The following ZRANB3 variants were observed in gnomAD, a reference collection of about 807,000 sequenced individuals.
ZRANB3 encodes the protein zinc finger RANBP2-type containing 3, also known as DNA annealing helicase and endonuclease ZRANB3.
In ZRANB3, 125 loss-of-function variants were observed where a neutral mutation model predicts 133.8. That is an observed-to-expected ratio of 0.93 (90% CI 0.81 to 1.08). ZRANB3 has a LOEUF of 1.08. Among genes scored for constraint, ZRANB3 ranks in the 50% least tolerant of loss-of-function variants. ZRANB3 has a pLI of 0.00. For synonymous variants in ZRANB3, 387 were observed against 432.7 expected (o/e 0.89, Z 1.31); for missense variants, 1,229 against 1,275.5 (o/e 0.96, Z 0.56).
intron 6 of ZRANB3, among the ~76,000 whole-genome samples, chr2:135,324,085 T>TTTA (rs555662250): frequency 4.6e-4 from 70 of 152,048 alleles, no homozygotes; most frequent in African/African-American, 1.6e-3. Context: ...TTGATTTTTT[T>TTTA]TTATTATTAT....
intron 3 of ZRANB3, among the ~76,000 whole-genome samples, chr2:135,375,559 C>A (rs1349272330): frequency 6.6e-6 from 1 of 152,188 alleles, no homozygotes; most frequent in Non-Finnish European, 1.5e-5. Context: ...GTGGCGGGCA[C>A]CAGTAGTCCC....
chr2:135,470,877 C>CT (rs1222161015), intron 2 of ZRANB3, among the ~76,000 whole-genome samples: 2 of 149,908 alleles, frequency 1.3e-5, no homozygotes, highest in African/African-American at 4.9e-5. Flanking sequence ...TCTCGACTCA[C>CT]TGCAAGCTCT....
chr2:135,249,222 C>A (rs181685107), intron 12 of ZRANB3, among the ~76,000 whole-genome samples: 3 of 152,276 alleles, frequency 2.0e-5, no homozygotes, highest in East Asian at 3.9e-4. Context: ...AACTACCATT[C>A]GAACCAGCAA....
chr2:135,230,573 A>C lies in ZRANB3; in HGVS notation c.1894T>G (p.Tyr632Asp), dbSNP rs1694956852. The C allele has an allele frequency of 6.3e-7, 1 of 1,587,358 alleles. No homozygotes were observed. The highest frequency in any genetic ancestry group is 1.4e-5 in the African/African-American group (1 of 73,932). The change falls in exon 13 of 21, where the codon TAT becomes GAT. Residue 632 changes from tyrosine (Y) to aspartate (D), a missense_variant. Tyr to Asp is a radical substitution (Grantham distance 160). Coordinates refer to ENST00000264159, the MANE Select transcript of ZRANB3 (RefSeq NM_032143.4). The part of the protein sequence containing the change: ...VEGWQCSLCT[Y>D]INNSELPYCE... ...TAAGGTAACTCTGAATTATTGATAT[A>C]GGTGCAGAGACTACATTGCCAGCCC...
Position 135,434,995 on chromosome 2 carries a change from A to G in ZRANB3, c.162-44175T>C, listed in dbSNP as rs116550412. On this transcript the variant is annotated intron_variant, in intron 2 of 20. Transcript: ENST00000264159. Reference sequence around the variant, plus strand: ...TTTTAAGAGTTAAACTTTTTTTTTAAATTTGTACTTTAGGTTTGGGGGTAC... The same window carrying G: ...TTTTAAGAGTTAAACTTTTTTTTTAGATTTGTACTTTAGGTTTGGGGGTAC... Among the ~76,000 whole-genome samples, 452 of 152,028 alleles carry G rather than the reference A, an allele frequency of 3.0e-3. 2 individuals carry two copies. Among genetic ancestry groups the G allele is most frequent in the African/African-American group, 0.01 (428 of 41,482 alleles).
chr2:135,292,046 A>C (rs889247161), intron 8 of ZRANB3, among the ~76,000 whole-genome samples: 2 of 152,080 alleles, frequency 1.3e-5, no homozygotes, highest in Non-Finnish European at 2.9e-5. Flanking sequence ...AATAGTGCCG[A>C]AATAAATGTA....
Position 135,411,910 on chromosome 2 carries a change from T to C in ZRANB3, c.162-21090A>G, listed in dbSNP as rs1050783502. Among the ~76,000 whole-genome samples, 5 of 152,150 alleles carry C rather than the reference T, an allele frequency of 3.3e-5. No individual in the cohort carries two copies. The East Asian group carries it at 9.6e-4, about 29-fold the overall frequency. ...CCATACATGTACCCCTCTGAATCTA[T>C]AATTTTTTAAAAAAGAAGTGACTGC... On this transcript the variant is annotated intron_variant, in intron 2 of 20. Coordinates refer to ENST00000264159, the MANE Select transcript of ZRANB3 (RefSeq NM_032143.4).
chr2:135,390,729 C>T, intron 3 of ZRANB3, 73 bp downstream of exon 3: 6 of 1,469,676 alleles, frequency 4.1e-6, no homozygotes, highest in South Asian at 1.2e-5. Context: ...AGAAAGAGTA[C>T]ATGGAAAATA....
intron 6 of ZRANB3, among the ~76,000 whole-genome samples, chr2:135,320,289 C>G (rs1453650153): frequency 6.6e-6 from 1 of 152,060 alleles, no homozygotes; most frequent in African/African-American, 2.4e-5. Context: ...AATGCATTAT[C>G]AAAGAGGTAA....
chr2:135,402,086 A>G (rs924207772), intron 2 of ZRANB3, among the ~76,000 whole-genome samples: 4 of 151,802 alleles, frequency 2.6e-5, no homozygotes, highest in African/African-American at 9.7e-5. Flanking sequence ...TTTTTAACCT[A>G]GTTTTGGTGT....
At chr2:135,328,592 T>C (rs1216082183) in intron 6 of ZRANB3, among the ~76,000 whole-genome samples, 3 of 152,214 alleles carry the variant, frequency 2.0e-5, no homozygotes, top group African/African-American at 7.2e-5. Flanking sequence ...ATGGGATCAC[T>C]GGGTCAAATG....
chr2:135,281,158 T>C (rs1208920059), intron 8 of ZRANB3, among the ~76,000 whole-genome samples: 1 of 152,180 alleles, frequency 6.6e-6, no homozygotes, highest in Non-Finnish European at 1.5e-5. Flanking sequence ...TGCAAAAGAG[T>C]TGACCTCTAC....
At chr2:135,438,533 T>A (rs2104990078) in intron 2 of ZRANB3, among the ~76,000 whole-genome samples, 1 of 151,324 alleles carries the variant, frequency 6.6e-6, no homozygotes, top group South Asian at 2.1e-4. Flanking sequence ...AAATTGTTAA[T>A]TGTATTTCCT....
chr2:135,245,875 G>T (rs1340222223), intron 12 of ZRANB3, among the ~76,000 whole-genome samples: 1 of 118,574 alleles, frequency 8.4e-6, no homozygotes, highest in South Asian at 3.3e-4. Flanking sequence ...ATGGTGAGCC[G>T]AGATCGCGTC....
chr2:135,434,839 C>T (rs1356014936), intron 2 of ZRANB3, among the ~76,000 whole-genome samples: 1 of 152,130 alleles, frequency 6.6e-6, no homozygotes, highest in Non-Finnish European at 1.5e-5. Context: ...AAGCTAATTT[C>T]TTACTTATTT....
chr2:135,290,257 T>G (rs2104792966), intron 8 of ZRANB3, among the ~76,000 whole-genome samples: 1 of 152,334 alleles, frequency 6.6e-6, no homozygotes. Context: ...AGTAATTGTT[T>G]CAAAAGTTTG....
intron 2 of ZRANB3, among the ~76,000 whole-genome samples, chr2:135,495,358 T>C (rs906940660): frequency 1.3e-5 from 2 of 152,206 alleles, no homozygotes; most frequent in Admixed American, 1.3e-4. Flanking sequence ...TTGCATATTA[T>C]TCTTATTTTT....
At chr2:135,392,072 G>T (rs1368701292) in intron 2 of ZRANB3, among the ~76,000 whole-genome samples, 1 of 152,090 alleles carries the variant, frequency 6.6e-6, no homozygotes, top group African/African-American at 2.4e-5. Flanking sequence ...CTTTGAGACA[G>T]CAAACATATG....
intron 2 of ZRANB3, among the ~76,000 whole-genome samples, chr2:135,423,347 T>C (rs6707941): frequency 0.11 from 15,977 of 152,124 alleles, 1,104 homozygotes; most frequent in South Asian, 0.32. Context: ...CACAGGAGAA[T>C]TGCTTGAACC....
Sources: gnomAD v4.1 joint callset for allele counts (sites outside exome capture counted in the v4.1 genomes callset) on GRCh38, gnomAD v4.1.1 for gene constraint, MANE v1.5 for transcripts, NCBI Gene and HGNC (gene_info 2026-07-23, HGNC 2026-07-21) for gene names.